Variants in WDR59 observed in about 807,000 individuals in gnomAD.
WDR59 encodes GATOR2 complex protein WDR59.
Under a neutral mutation model 131.2 loss-of-function variants are expected in WDR59, and 100 were observed. That is an observed-to-expected ratio of 0.76 (90% CI 0.65 to 0.90). The LOEUF (loss-of-function observed/expected upper bound fraction) is 0.90, where lower values mean the gene tolerates loss of function less well. Among genes scored for constraint, WDR59 ranks in the 40% least tolerant of loss-of-function variants. WDR59 has a pLI of 0.00. For synonymous variants in WDR59, 601 were observed against 466.2 expected, an observed-to-expected ratio of 1.29 and a Z score of -3.72; for missense variants, 1,203 against 1,262.2, an observed-to-expected ratio of 0.95 and a Z score of 0.71.
chr16:74,949,570 C>A, intron 5 of WDR59, 148 bp downstream of exon 5: 2 of 653,260 alleles, frequency 3.1e-6, no homozygotes, highest in Non-Finnish European at 5.3e-6. Flanking sequence ...GTCTTTCACT[C>A]TCAAATAATA....
chr16:74,908,894 T>A lies in WDR59; in HGVS notation c.1712+14A>T. ...CCGGGAACGTAGAGCGGCTTCTGCA[T>A]CTCCCTGACTCACCTCGGAGTAGGC... is the stretch of plus-strand genomic sequence containing the variant. On this transcript the variant is annotated intron_variant, in intron 17 of 25. Coordinates refer to ENST00000262144, the MANE Select transcript of WDR59 (RefSeq NM_030581.4). 1.9e-6 allele frequency: 3 copies of A among 1,613,204 alleles called. No homozygotes were observed. The highest frequency in any genetic ancestry group is 2.2e-5 in the South Asian group (2 of 90,958).
chr16:74,930,623 T>C (rs2031288853), intron 8 of WDR59: 2 of 152,020 alleles, frequency 1.3e-5, no homozygotes, highest in African/African-American at 4.8e-5. Context: ...CCAGGAACGC[T>C]GGCTCACTCC....
chr16:74,918,033 TG>T, intron 10 of WDR59, 25 bp from the exon 11 acceptor site: 1 of 1,606,608 alleles, frequency 6.2e-7, no homozygotes. Flanking sequence ...ATAAGAATCC[TG>T]GAAATTCTTC....
intron 17 of WDR59, among the ~76,000 whole-genome samples, chr16:74,907,881 T>C (rs1487779831): frequency 6.6e-6 from 1 of 152,184 alleles, no homozygotes; most frequent in African/African-American, 2.4e-5. Context: ...CATGTTACTG[T>C]TGAAGGAACT....
intron 17 of WDR59, among the ~76,000 whole-genome samples, chr16:74,907,378 G>A (rs1009393660): frequency 4.6e-5 from 7 of 152,154 alleles, no homozygotes; most frequent in Non-Finnish European, 1.0e-4. Flanking sequence ...CGTCCCCCAT[G>A]CTGTTCTCAT....
At chr16:74,888,475 C>T (rs1235328649) in intron 21 of WDR59, among the ~76,000 whole-genome samples, 156 bp from the exon 22 acceptor site, 2 of 152,200 alleles carry the variant, frequency 1.3e-5, no homozygotes, top group Admixed American at 6.5e-5. Context: ...TCTACAGATC[C>T]GGCAGTTTGA....
At chr16:74,925,543 C>T (rs1475285845) in intron 8 of WDR59, among the ~76,000 whole-genome samples, 1 of 105,020 alleles carries the variant, frequency 9.5e-6, no homozygotes. Flanking sequence ...GACTCCATCT[C>T]AAAAAAAAAA....
intron 8 of WDR59, among the ~76,000 whole-genome samples, chr16:74,924,608 A>C (rs1335344861): frequency 6.6e-6 from 1 of 152,192 alleles, no homozygotes; most frequent in Non-Finnish European, 1.5e-5. Flanking sequence ...AGAGCACACA[A>C]AGTGAGCCAC....
Position 74,892,661 on chromosome 16 carries a change from T to C in WDR59, c.2001-96A>G, listed in dbSNP as rs190677287. ...ACAGACAGATGAGAACCTGACTCTT[T>C]GGTTATCACTCAAAATGTTTTATTC... On this transcript the variant is annotated intron_variant, in intron 19 of 25. Coordinates refer to ENST00000262144, the MANE Select transcript of WDR59 (RefSeq NM_030581.4). The C allele has an allele frequency of 8.2e-3, 8,255 of 1,006,476 alleles. 36 individuals are homozygous for C. The highest frequency in any genetic ancestry group is 9.9e-3 in the Non-Finnish European group (6,677 of 675,054). The allele number at this position is 1,006,476 out of a possible 1,614,324, so 62.3% of individuals were successfully genotyped here.
intron 5 of WDR59, among the ~76,000 whole-genome samples, chr16:74,949,166 A>C (rs1412810211): frequency 6.6e-6 from 1 of 151,684 alleles, no homozygotes; most frequent in Non-Finnish European, 1.5e-5. Context: ...AAAAATAAAA[A>C]ATAAAAAAAT....
At chr16:74,942,707 A>C in intron 7 of WDR59, 31 bp downstream of exon 7, 2 of 1,608,790 alleles carry the variant, frequency 1.2e-6, no homozygotes, top group Non-Finnish European at 1.7e-6. Flanking sequence ...GGGATCAAAG[A>C]CCAATAAGGG....
intron 4 of WDR59, 33 bp downstream of exon 4, chr16:74,951,425 A>G (rs2032992776): frequency 1.3e-6 from 2 of 1,567,540 alleles, no homozygotes; most frequent in Non-Finnish European, 1.7e-6. Flanking sequence ...ACAAAGCAAG[A>G]CAGCCAAAGA....
rs56943510 is a variant in WDR59, at chr16:74,979,838, CTTTTTT to C, written c.54+5120_54+5125del. Among the ~76,000 whole-genome samples, 9 of 60,506 alleles carry C rather than the reference CTTTTTT, an allele frequency of 1.5e-4. No individual in the cohort carries two copies. In the East Asian group the frequency reaches 2.3e-3, roughly 15 times the overall value. The allele number at this position is 60,506 out of a possible 152,430, so 39.7% of individuals were successfully genotyped here. ...ACAGGTGTGAGTCACCACACCCGGC[CTTTTTT>C]TTTTTTTTTTTTTTTTTTCTTTGAG... is the stretch of plus-strand genomic sequence containing the variant. On this transcript the variant is annotated intron_variant, in intron 1 of 25. Coordinates refer to ENST00000262144, the MANE Select transcript of WDR59 (RefSeq NM_030581.4).
chr16:74,926,681 A>G (rs532777229), intron 8 of WDR59, among the ~76,000 whole-genome samples: 45 of 152,320 alleles, frequency 3.0e-4, no homozygotes, highest in African/African-American at 1.0e-3. Flanking sequence ...AAATATCAAA[A>G]TGTTTTAAAA....
intron 25 of WDR59, among the ~76,000 whole-genome samples, chr16:74,875,007 G>A (rs544551447): frequency 2.3e-3 from 352 of 152,288 alleles, no homozygotes; most frequent in Non-Finnish European, 4.5e-3. Context: ...TACAGCAGGG[G>A]GCAGCTGCGT....
At chr16:74,967,878 T>C (rs1241080285) in intron 1 of WDR59, among the ~76,000 whole-genome samples, 1 of 144,872 alleles carries the variant, frequency 6.9e-6, no homozygotes, top group African/African-American at 2.6e-5. Flanking sequence ...AAAAAAAAGA[T>C]AGAAGACCTC....
intron 1 of WDR59, among the ~76,000 whole-genome samples, chr16:74,972,171 C>G (rs1243466845): frequency 1.3e-5 from 2 of 152,184 alleles, no homozygotes; most frequent in Non-Finnish European, 2.9e-5. Flanking sequence ...TGACTTTTGG[C>G]ACACTTAACA....
chr16:74,971,444 T>G (rs2033980061), intron 1 of WDR59, among the ~76,000 whole-genome samples: 1 of 141,844 alleles, frequency 7.1e-6, no homozygotes, highest in Non-Finnish European at 1.5e-5. Flanking sequence ...TTTTTTTTTT[T>G]TTTTTTGAGA....
intron 3 of WDR59, among the ~76,000 whole-genome samples, chr16:74,953,612 T>C (rs1291923705): frequency 6.6e-6 from 1 of 152,120 alleles, no homozygotes; most frequent in Non-Finnish European, 1.5e-5. Context: ...AAGAAAACAT[T>C]TGCAAATCAT....
Sources: allele counts gnomAD v4.1 joint callset (sites outside exome capture counted in the v4.1 genomes callset), GRCh38; gene constraint gnomAD v4.1.1; transcripts MANE v1.5; gene names NCBI Gene and HGNC (gene_info 2026-07-23, HGNC 2026-07-21).